Variants in ZBTB43 observed in about 807,000 individuals in gnomAD.
The protein encoded by ZBTB43 is zinc finger and BTB domain containing 43.
A neutral mutation model predicts 31.1 loss-of-function variants in ZBTB43; 6 were observed. That is an observed-to-expected ratio of 0.19 (90% CI 0.11 to 0.38). ZBTB43 has a LOEUF of 0.38. ZBTB43 is among the 10% of genes least tolerant of loss of function. The pLI is 1.00. For missense variants in ZBTB43, 379 were observed against 602.1 expected (o/e 0.63, Z 3.88); for synonymous variants, 212 against 221.7 (o/e 0.96, Z 0.39).
intron 2 of ZBTB43, among the ~76,000 whole-genome samples, chr9:126,825,455 A>T (rs1419854035): frequency 1.3e-5 from 2 of 152,234 alleles, no homozygotes; most frequent in East Asian, 3.9e-4. Flanking sequence ...GTATTTTCTC[A>T]CAGTTCTGGA....
intron 2 of ZBTB43, among the ~76,000 whole-genome samples, chr9:126,809,912 T>C (rs1162765487): frequency 1.3e-5 from 2 of 151,742 alleles, no homozygotes; most frequent in African/African-American, 4.9e-5. Flanking sequence ...CTCAGCTCAC[T>C]GCAAGCTCCA....
At chr9:126,814,178 A>G (rs1010406167) in intron 2 of ZBTB43, among the ~76,000 whole-genome samples, 5 of 131,584 alleles carry the variant, frequency 3.8e-5, no homozygotes, top group African/African-American at 8.5e-5. Flanking sequence ...CTTATTTTCT[A>G]ACATTGTACT....
At chr9:126,820,574 A>G (rs957869539) in intron 2 of ZBTB43, among the ~76,000 whole-genome samples, 2 of 152,244 alleles carry the variant, frequency 1.3e-5, no homozygotes, top group African/African-American at 2.4e-5. Context: ...ATGGAGATGT[A>G]CAAGGACATT....
chr9:126,837,873 G>C lies in ZBTB43; in HGVS notation c.*3960G>C, dbSNP rs1351485052. 3 of 163,824 alleles carry C rather than the reference G, an allele frequency of 1.8e-5. No homozygotes were observed. The highest frequency in any genetic ancestry group is 4.4e-5 in the Non-Finnish European group (3 of 67,682). 10.1% of individuals were successfully genotyped at this position (163,824 alleles called of 1,614,324 possible). A position where few individuals can be genotyped will look rare whatever the true frequency, so the allele number is the denominator to read the frequency against. On this transcript the variant is annotated 3_prime_UTR_variant, in exon 3 of 3. Transcript: ENST00000373464. ...TTTTTTTAATTTTTGCTTGAAGCCTGTGTCATGTTAGTTGCTGCTGCCTTC... is the reference window on the plus strand; with the variant it reads ...TTTTTTTAATTTTTGCTTGAAGCCTCTGTCATGTTAGTTGCTGCTGCCTTC...
At chr9:126,832,323 C>A (rs1588368871) in intron 2 of ZBTB43, 164 bp from the exon 3 acceptor site, 2 of 660,564 alleles carry the variant, frequency 3.0e-6, no homozygotes, top group East Asian at 5.5e-5. Context: ...CTTTGGCAAA[C>A]ACGCACCTGC....
chr9:126,837,867 A>G lies in ZBTB43; in HGVS notation c.*3954A>G, dbSNP rs2032916778. Reference sequence around the variant, plus strand: ...TTTTTTTTTTTTTAATTTTTGCTTGAAGCCTGTGTCATGTTAGTTGCTGCT... The same window carrying G: ...TTTTTTTTTTTTTAATTTTTGCTTGGAGCCTGTGTCATGTTAGTTGCTGCT... On this transcript the variant is annotated 3_prime_UTR_variant, in exon 3 of 3. Coordinates refer to ENST00000373464, the MANE Select transcript of ZBTB43 (RefSeq NM_014007.4). 1 of 165,804 alleles carries G rather than the reference A, an allele frequency of 6.0e-6. No individual in the cohort carries two copies. The highest frequency in any genetic ancestry group is 1.5e-5 in the Non-Finnish European group (1 of 67,926). 10.3% of individuals were successfully genotyped at this position (165,804 alleles called of 1,614,324 possible). A position where few individuals can be genotyped will look rare whatever the true frequency, so the allele number is the denominator to read the frequency against.
At chr9:126,811,201 G>A (rs2032240116) in intron 2 of ZBTB43, among the ~76,000 whole-genome samples, 2 of 141,560 alleles carry the variant, frequency 1.4e-5, no homozygotes, top group South Asian at 2.2e-4. Context: ...CAGCCTGGGC[G>A]ACAGAGACTC....
chr9:126,830,410 C>T (rs2032739921), intron 2 of ZBTB43, among the ~76,000 whole-genome samples: 1 of 152,118 alleles, frequency 6.6e-6, no homozygotes, highest in African/African-American at 2.4e-5. Context: ...CTTTGGGAGG[C>T]CAGGCGGGCA....
chr9:126,815,213 A>G (rs2032349281), intron 2 of ZBTB43, among the ~76,000 whole-genome samples: 1 of 143,312 alleles, frequency 7.0e-6, no homozygotes, highest in South Asian at 2.2e-4. Context: ...AATATATAAA[A>G]CTATATATAT....
chr9:126,814,985 C>G (rs1222829981), intron 2 of ZBTB43, among the ~76,000 whole-genome samples: 1 of 138,780 alleles, frequency 7.2e-6, no homozygotes, highest in African/African-American at 2.7e-5. Context: ...TTTTTTTTGT[C>G]TGGCTGCTTT....
Position 126,824,034 on chromosome 9 carries a change from C to CT in ZBTB43, c.-23-8443dup, listed in dbSNP as rs1298578752. ...AAAACCAAAAGTACAACAATGATGG[C>CT]TTTTTTTTTTGAGACAGAGTCTCAC... On this transcript the variant is annotated intron_variant, in intron 2 of 2. Transcript: ENST00000373464. 9.7e-3 allele frequency among the ~76,000 whole-genome samples: 1,438 copies of CT among 148,488 alleles called. 23 individuals carry two copies. Among genetic ancestry groups the CT allele is most frequent in the African/African-American group, 0.03 (1,215 of 40,704 alleles).
At chr9:126,806,669 G>C (rs1266510423) in intron 1 of ZBTB43, among the ~76,000 whole-genome samples, 1 of 152,112 alleles carries the variant, frequency 6.6e-6, no homozygotes, top group African/African-American at 2.4e-5. Context: ...AACAAAAACA[G>C]TATTCATTGG....
At chr9:126,824,632 T>A (rs1190816421) in intron 2 of ZBTB43, among the ~76,000 whole-genome samples, 1 of 152,210 alleles carries the variant, frequency 6.6e-6, no homozygotes, top group Non-Finnish European at 1.5e-5. Flanking sequence ...TGGTTTCTGA[T>A]GAAAAATTAG....
At chr9:126,807,531 A>G (rs1306012634) in intron 1 of ZBTB43, among the ~76,000 whole-genome samples, 3 of 152,220 alleles carry the variant, frequency 2.0e-5, no homozygotes, top group African/African-American at 7.2e-5. Context: ...CCACCTGGTG[A>G]TCACATTCTG....
At chr9:126,829,501 G>A (rs75414816) in intron 2 of ZBTB43, among the ~76,000 whole-genome samples, 5,687 of 152,274 alleles carry the variant, frequency 0.037, 178 homozygotes, top group Non-Finnish European at 0.059. Context: ...AATGTGGGAA[G>A]ATCTCCAAGA....
intron 2 of ZBTB43, among the ~76,000 whole-genome samples, chr9:126,828,678 T>TATTATTATTATTA: frequency 1.4e-5 from 2 of 147,272 alleles, no homozygotes; most frequent in African/African-American, 4.9e-5. Context: ...TTATTATTAT[T>TATTATTATTATTA]TTGGAGGTGT....
At position 126,837,703 on chromosome 9, in the gene ZBTB43, T is replaced by C. The variant is rs1476055214; in HGVS notation, c.*3790T>C. The C allele has an allele frequency of 6.0e-6, 1 of 167,106 alleles. No homozygotes were observed. The highest frequency in any genetic ancestry group is 1.9e-4 in the East Asian group (1 of 5,206). 10.4% of individuals were successfully genotyped at this position (167,106 alleles called of 1,614,324 possible). A position where few individuals can be genotyped will look rare whatever the true frequency, so the allele number is the denominator to read the frequency against. On this transcript the variant is annotated 3_prime_UTR_variant, in exon 3 of 3. Transcript: ENST00000373464. The stretch of plus-strand genomic sequence containing the variant: ...GGTTGCTTTAGTGGGTGACTAACTT[T>C]TGTTCAGTGAAACCAGGGTTTGTTT...
At chr9:126,814,902 A>G (rs1175872226) in intron 2 of ZBTB43, among the ~76,000 whole-genome samples, 2 of 121,610 alleles carry the variant, frequency 1.6e-5, no homozygotes, top group East Asian at 4.6e-4. Flanking sequence ...CCCCACCTTC[A>G]TTTCAGTATT....
At chr9:126,812,013 C>T (rs2032261691) in intron 2 of ZBTB43, among the ~76,000 whole-genome samples, 1 of 151,878 alleles carries the variant, frequency 6.6e-6, no homozygotes, top group Admixed American at 6.6e-5. Flanking sequence ...ATTTGTATAC[C>T]CATCACCACA....
Sources: gnomAD v4.1 joint callset for allele counts (sites outside exome capture counted in the v4.1 genomes callset) on GRCh38, gnomAD v4.1.1 for gene constraint, MANE v1.5 for transcripts, NCBI Gene and HGNC (gene_info 2026-07-23, HGNC 2026-07-21) for gene names.